ZBTB7C: variants seen among roughly 807,000 people sequenced by gnomAD.
The protein encoded by ZBTB7C is zinc finger and BTB domain containing 7C.
A neutral mutation model predicts 25.7 loss-of-function variants in ZBTB7C; 8 were observed. The observed-to-expected ratio is 0.31, with a 90% CI of 0.18 to 0.56. The LOEUF (loss-of-function observed/expected upper bound fraction) is 0.56, where lower values mean the gene tolerates loss of function less well. Ranked by LOEUF, ZBTB7C falls within the 20% of genes least tolerant of loss-of-function variation. The probability of loss-of-function intolerance (pLI) is 0.91; values close to 1 mark genes in which losing one functional copy is unlikely to be tolerated. For missense variants in ZBTB7C, 824 were observed against 855.2 expected (o/e 0.96, Z 0.46); for synonymous variants, 394 against 369.0 (o/e 1.07, Z -0.78).
intron 2 of ZBTB7C, among the ~76,000 whole-genome samples, chr18:48,296,435 T>A (rs1345898359): frequency 6.6e-6 from 1 of 152,240 alleles, no homozygotes; most frequent in South Asian, 2.1e-4. Flanking sequence ...TCTCTCCTCA[T>A]CTCCTTTTTT....
intron 3 of ZBTB7C, among the ~76,000 whole-genome samples, chr18:48,077,981 G>A (rs1270045818): frequency 1.3e-5 from 2 of 151,860 alleles, no homozygotes; most frequent in Admixed American, 6.6e-5. Context: ...TCTTGGGGTG[G>A]GGGGGAGGGC....
chr18:48,280,234 G>C (rs10451391), intron 2 of ZBTB7C, among the ~76,000 whole-genome samples: 26,927 of 151,886 alleles, frequency 0.18, 2,570 homozygotes, highest in African/African-American at 0.24. Flanking sequence ...GAGAAAGTGG[G>C]AGCACACTGC....
Position 48,382,842 on chromosome 18 carries a change from A to G in ZBTB7C, c.-304+26384T>C, listed in dbSNP as rs115242142. ...AGAGCTTAGAAGTAAAAAACTACCT[A>G]GAATGATAAAACGTAAGCAGCTGAC... On this transcript the variant is annotated intron_variant, in intron 1 of 4. Coordinates refer to ENST00000590800, the MANE Select transcript of ZBTB7C (RefSeq NM_001318841.2). Among the ~76,000 whole-genome samples, 219 of 152,364 alleles carry G rather than the reference A, an allele frequency of 1.4e-3. 2 individuals are homozygous for G. The highest frequency in any genetic ancestry group is 5.0e-3 in the African/African-American group (208 of 41,594).
chr18:48,394,154 C>T (rs2047965888), intron 1 of ZBTB7C, among the ~76,000 whole-genome samples: 1 of 152,142 alleles, frequency 6.6e-6, no homozygotes, highest in African/African-American at 2.4e-5. Flanking sequence ...TCCTGAACTT[C>T]CAAAACCTCC....
At chr18:48,122,099 G>C (rs561558254) in intron 3 of ZBTB7C, among the ~76,000 whole-genome samples, 1 of 152,238 alleles carries the variant, frequency 6.6e-6, no homozygotes, top group African/African-American at 2.4e-5. Context: ...ATCTAGATCG[G>C]GCTGTTCATG....
chr18:48,095,902 T>C (rs1568214496), intron 3 of ZBTB7C, among the ~76,000 whole-genome samples: 1 of 151,998 alleles, frequency 6.6e-6, no homozygotes. Flanking sequence ...AAACAGCTGG[T>C]AACCTCTTAT....
At chr18:48,149,135 T>TGA (rs35630528) in intron 3 of ZBTB7C, 14,955 of 152,340 alleles carry the variant, frequency 0.098, 757 homozygotes, top group African/African-American at 0.13. Flanking sequence ...CCTGTGTGTG[T>TGA]GCGCGCGTGT....
At chr18:48,243,003 C>G (rs1485158714) in intron 2 of ZBTB7C, among the ~76,000 whole-genome samples, 1 of 151,974 alleles carries the variant, frequency 6.6e-6, no homozygotes. Context: ...GTGGCTCATG[C>G]CCATAATCCT....
intron 2 of ZBTB7C, among the ~76,000 whole-genome samples, chr18:48,324,034 C>T (rs950979971): frequency 2.6e-5 from 4 of 152,124 alleles, no homozygotes; most frequent in East Asian, 1.9e-4. Flanking sequence ...CATGTGAAGA[C>T]GGTACAGGAA....
At chr18:48,069,181 T>C (rs1200992324) in intron 3 of ZBTB7C, among the ~76,000 whole-genome samples, 2 of 152,206 alleles carry the variant, frequency 1.3e-5, no homozygotes, top group Non-Finnish European at 2.9e-5. Context: ...ATGAGCATAC[T>C]GTCCCACAGT....
chr18:48,144,332 A>C (rs2144851408), intron 3 of ZBTB7C, among the ~76,000 whole-genome samples: 1 of 152,262 alleles, frequency 6.6e-6, no homozygotes, highest in African/African-American at 2.4e-5. Context: ...CAACTACATA[A>C]ACAAAACATT....
At chr18:48,282,658 G>A (rs2044900040) in intron 2 of ZBTB7C, among the ~76,000 whole-genome samples, 1 of 152,112 alleles carries the variant, frequency 6.6e-6, no homozygotes, top group South Asian at 2.1e-4. Context: ...ACAATAAAAT[G>A]CAATACAAAT....
chr18:48,341,195 A>C lies in ZBTB7C; in HGVS notation c.-303-2797T>G, dbSNP rs182911864. On this transcript the variant is annotated intron_variant, in intron 1 of 4. Transcript: ENST00000590800. Reference sequence around the variant, plus strand: ...TTGGATTTATCATGTTGTTCCCAGGAGATACAAAGACAATATCTGTTCAGC... The same window carrying C: ...TTGGATTTATCATGTTGTTCCCAGGCGATACAAAGACAATATCTGTTCAGC... Among the ~76,000 whole-genome samples the C allele has an allele frequency of 2.0e-4, 30 of 152,298 alleles. No individual in the cohort carries two copies. The East Asian group carries it at 4.4e-3, about 23-fold the overall frequency.
At chr18:48,168,973 T>G (rs1366766994) in intron 3 of ZBTB7C, among the ~76,000 whole-genome samples, 1 of 152,200 alleles carries the variant, frequency 6.6e-6, no homozygotes, top group East Asian at 1.9e-4. Context: ...GGGAAGTGGC[T>G]GAGGTAAGAC....
chr18:48,285,993 C>T (rs564436294), intron 2 of ZBTB7C, among the ~76,000 whole-genome samples: 3 of 152,218 alleles, frequency 2.0e-5, no homozygotes, highest in South Asian at 4.1e-4. Flanking sequence ...ACACAGGAAA[C>T]CCACACATGA....
chr18:48,252,701 A>C (rs34153400), intron 2 of ZBTB7C: 5,501 of 152,316 alleles, frequency 0.036, 133 homozygotes, highest in Middle Eastern at 0.068. Context: ...AATGGTGTGG[A>C]GCTGTCATTC....
intron 2 of ZBTB7C, among the ~76,000 whole-genome samples, chr18:48,267,974 GTAGATT>G (rs562904171): frequency 2.4e-4 from 36 of 152,342 alleles, no homozygotes; most frequent in Admixed American, 5.2e-4. Context: ...AAAAGGCCTT[GTAGATT>G]TCTAGCTTCT....
chr18:48,365,587 C>T (rs976732967), intron 1 of ZBTB7C, among the ~76,000 whole-genome samples: 7 of 152,134 alleles, frequency 4.6e-5, no homozygotes, highest in Non-Finnish European at 8.8e-5. Context: ...GATCCTTCCC[C>T]ACTTGGGCCT....
chr18:48,290,981 T>C (rs762466600), intron 2 of ZBTB7C, among the ~76,000 whole-genome samples: 70 of 152,324 alleles, frequency 4.6e-4, no homozygotes, highest in Middle Eastern at 3.4e-3. Context: ...AATGAGAGGC[T>C]CCTCAAGTCA....
Sources: gnomAD v4.1 joint callset for allele counts (sites outside exome capture counted in the v4.1 genomes callset) on GRCh38, gnomAD v4.1.1 for gene constraint, MANE v1.5 for transcripts, NCBI Gene and HGNC (gene_info 2026-07-23, HGNC 2026-07-21) for gene names.